The following PCDH15 variants were observed in gnomAD, a reference collection of about 807,000 sequenced individuals.
PCDH15 encodes the protein protocadherin-15.
PCDH15 carries 129 observed loss-of-function variants against 178.5 expected under a neutral mutation model. That is an observed-to-expected ratio of 0.72 (90% confidence interval 0.63 to 0.84). PCDH15 has a LOEUF of 0.84. PCDH15 is among the 40% of genes least tolerant of loss of function. PCDH15 has a pLI of 0.00. For synonymous variants in PCDH15, 800 were observed against 732.0 expected, an observed-to-expected ratio of 1.09 and a Z score of -1.50; for missense variants, 2,230 against 2,099.9, an observed-to-expected ratio of 1.06 and a Z score of -1.21.
chr10:54,487,346 G>T (rs2137040526), intron 3 of PCDH15, among the ~76,000 whole-genome samples: 1 of 152,114 alleles, frequency 6.6e-6, no homozygotes, highest in African/African-American at 2.4e-5. Flanking sequence ...TCAGAAGGGT[G>T]AAGAATGGGA....
chr10:54,992,170 C>A (rs1206268550), intron 2 of PCDH15, among the ~76,000 whole-genome samples: 3 of 152,082 alleles, frequency 2.0e-5, no homozygotes, highest in African/African-American at 7.2e-5. Context: ...TTTACCAACC[C>A]TGTACTACTT....
chr10:55,277,598 T>C (rs1222629251), intron 1 of PCDH15, among the ~76,000 whole-genome samples: 1 of 152,132 alleles, frequency 6.6e-6, no homozygotes, highest in Non-Finnish European at 1.5e-5. Flanking sequence ...ACTAGTATAA[T>C]GACAGACTGC....
At chr10:54,719,263 T>C (rs2095516863) in intron 1 of PCDH15, among the ~76,000 whole-genome samples, 1 of 151,964 alleles carries the variant, frequency 6.6e-6, no homozygotes, top group South Asian at 2.1e-4. Flanking sequence ...CTGGAAGAAA[T>C]AACTTCAGAG....
intron 1 of PCDH15, among the ~76,000 whole-genome samples, chr10:54,710,248 T>G (rs555114167): frequency 6.6e-6 from 1 of 151,926 alleles, no homozygotes; most frequent in Non-Finnish European, 1.5e-5. Flanking sequence ...AATTGGTAAA[T>G]GAAACATCAG....
At position 55,459,241 on chromosome 10, in the gene PCDH15, A is replaced by AAAAAAGAAAG. The variant is rs10647110; in HGVS notation, c.-156+168383_-156+168384insCTTTCTTTTT. On this transcript the variant is annotated intron_variant, in intron 2 of 5. Transcript: ENST00000613346. ...CGAGTGTCCTTGGAGGCAAAAAAAAAAAAGAAGGAAAGAAAAAAATAAATC... is the reference window on the plus strand; with the variant it reads ...CGAGTGTCCTTGGAGGCAAAAAAAAAAAAAAGAAAGAAAGAAGGAAAGAAAAAAATAAATC... Among the ~76,000 whole-genome samples, 12 of 134,242 alleles carry AAAAAAGAAAG rather than the reference A, an allele frequency of 8.9e-5. 1 individual carries two copies. Among genetic ancestry groups the AAAAAAGAAAG allele is most frequent in the African/African-American group, 2.0e-4 (7 of 35,236 alleles). The allele number at this position is 134,242 out of a possible 152,430, so 88.1% of individuals were successfully genotyped here.
At chr10:55,595,069 A>G (rs1273385094) in intron 2 of PCDH15, among the ~76,000 whole-genome samples, 1 of 151,996 alleles carries the variant, frequency 6.6e-6, no homozygotes, top group Non-Finnish European at 1.5e-5. Flanking sequence ...ATTCACTGAA[A>G]TATGTTGAAT....
chr10:54,943,768 A>C (rs1248796734), intron 2 of PCDH15, among the ~76,000 whole-genome samples: 2 of 151,872 alleles, frequency 1.3e-5, no homozygotes, highest in Admixed American at 1.3e-4. Flanking sequence ...TAAGATTCAA[A>C]TCAGACTTTT....
intron 26 of PCDH15, among the ~76,000 whole-genome samples, chr10:53,888,430 A>G (rs2081305379): frequency 7.0e-6 from 1 of 143,676 alleles, no homozygotes; most frequent in Admixed American, 7.1e-5. Flanking sequence ...CAAATTACAT[A>G]GGAGTAGAAA....
chr10:54,195,934 G>A, intron 10 of PCDH15, 45 bp from the exon 11 acceptor site: 1 of 1,559,398 alleles, frequency 6.4e-7, no homozygotes, highest in Non-Finnish European at 8.8e-7. Flanking sequence ...TATATGTCGT[G>A]CTATCTTTTT....
chr10:54,327,886 C>A (rs1938512305), intron 7 of PCDH15, among the ~76,000 whole-genome samples: 2 of 151,944 alleles, frequency 1.3e-5, no homozygotes, highest in Non-Finnish European at 1.5e-5. Context: ...GTATATACAC[C>A]ATGTCTCCAC....
intron 19 of PCDH15, 51 bp downstream of exon 19, chr10:54,022,841 A>G (rs766591724): frequency 2.5e-5 from 40 of 1,596,088 alleles, no homozygotes; most frequent in Non-Finnish European, 3.3e-5. Context: ...AAACCCTAAT[A>G]GCAAATCTCC....
At chr10:54,611,732 C>A (rs755613387) in intron 2 of PCDH15, among the ~76,000 whole-genome samples, 18 of 151,804 alleles carry the variant, frequency 1.2e-4, no homozygotes, top group African/African-American at 4.3e-4. Context: ...GACCTTTTAT[C>A]CAAAACAGCT....
At chr10:54,901,139 C>G (rs528264388) in intron 2 of PCDH15, among the ~76,000 whole-genome samples, 1 of 151,932 alleles carries the variant, frequency 6.6e-6, no homozygotes, top group Non-Finnish European at 1.5e-5. Context: ...AGTAAGACCC[C>G]CCTCCACCAT....
At chr10:55,588,064 G>A (rs1482934420) in intron 2 of PCDH15, among the ~76,000 whole-genome samples, 11 of 152,126 alleles carry the variant, frequency 7.2e-5, no homozygotes, top group Non-Finnish European at 1.6e-4. Context: ...CTTTTCTAAT[G>A]GACAAAGCAA....
intron 8 of PCDH15, among the ~76,000 whole-genome samples, chr10:54,283,050 T>C (rs2058800730): frequency 6.6e-6 from 1 of 152,118 alleles, no homozygotes; most frequent in South Asian, 2.1e-4. Context: ...ATTTAGATAT[T>C]ACGAGTTGAA....
intron 1 of PCDH15, among the ~76,000 whole-genome samples, chr10:54,755,819 G>A (rs981524284): frequency 1.3e-5 from 2 of 151,836 alleles, no homozygotes; most frequent in African/African-American, 2.4e-5. Context: ...TTTTTCATTG[G>A]GTTATTAAGG....
In PCDH15 at chr10:55,218,682, A is replaced by G. The variant is rs79791084; in HGVS notation, c.-155-52031T>C. 1.8e-3 allele frequency among the ~76,000 whole-genome samples: 281 copies of G among 152,140 alleles called. 3 individuals are homozygous for G. Among genetic ancestry groups the G allele is most frequent in the African/African-American group, 6.5e-3 (268 of 41,484 alleles). On this transcript the variant is annotated intron_variant, in intron 1 of 5. Transcript: ENST00000458638. ...CTGGGAAAATCATGTGTTTGTTGAG[A>G]TCAATATTTGCTTTTCCTGATGGAT...
intron 1 of PCDH15, among the ~76,000 whole-genome samples, chr10:54,711,222 A>G (rs1391308293): frequency 6.6e-6 from 1 of 152,030 alleles, no homozygotes; most frequent in Non-Finnish European, 1.5e-5. Flanking sequence ...GAGATAATCT[A>G]TCATTTAACG....
At chr10:55,132,933 G>T (rs996554431) in intron 2 of PCDH15, among the ~76,000 whole-genome samples, 15 of 152,092 alleles carry the variant, frequency 9.9e-5, no homozygotes, top group Admixed American at 9.8e-4. Flanking sequence ...TTGTTTCATT[G>T]GTTACTTGGT....
Sources: allele counts gnomAD v4.1 joint callset (sites outside exome capture counted in the v4.1 genomes callset), GRCh38; gene constraint gnomAD v4.1.1; transcripts MANE v1.5; gene names NCBI Gene and HGNC (gene_info 2026-07-23, HGNC 2026-07-21).